Variants in PCDH15 observed in about 807,000 individuals in gnomAD.
PCDH15 encodes the protein protocadherin related 15, also known as protocadherin-15.
Under a neutral mutation model 178.5 loss-of-function variants are expected in PCDH15, and 129 were observed. That is an observed-to-expected ratio of 0.72 (90% CI 0.63 to 0.84). PCDH15 has a LOEUF of 0.84. Among genes scored for constraint, PCDH15 ranks in the 40% least tolerant of loss-of-function variants. The pLI is 0.00. For synonymous variants in PCDH15, 800 were observed against 732.0 expected, an observed-to-expected ratio of 1.09 and a Z score of -1.50; for missense variants, 2,230 against 2,099.9, an observed-to-expected ratio of 1.06 and a Z score of -1.21.
At chr10:54,848,265 C>T (rs1424965041) in intron 3 of PCDH15, among the ~76,000 whole-genome samples, 1 of 151,644 alleles carries the variant, frequency 6.6e-6, no homozygotes, top group East Asian at 1.9e-4. Context: ...CGCCTGTAAT[C>T]CCAGCTACTT....
chr10:54,283,817 A>G (rs544029643), intron 8 of PCDH15, among the ~76,000 whole-genome samples: 98 of 152,056 alleles, frequency 6.4e-4, no homozygotes, highest in Non-Finnish European at 1.2e-3. Flanking sequence ...AAACATGCCA[A>G]AATTAACATG....
chr10:54,677,344 C>T (rs531263268), intron 1 of PCDH15, among the ~76,000 whole-genome samples: 1 of 152,246 alleles, frequency 6.6e-6, no homozygotes, highest in South Asian at 2.1e-4. Context: ...CGTGTTACTG[C>T]AGGGACAGAT....
intron 10 of PCDH15, among the ~76,000 whole-genome samples, chr10:54,202,765 T>G (rs1390222132): frequency 6.7e-6 from 1 of 150,236 alleles, no homozygotes. Flanking sequence ...TGAGCCAAGA[T>G]TGCGCCACTA....
chr10:54,276,915 T>A (rs991844312), intron 8 of PCDH15, among the ~76,000 whole-genome samples: 2 of 151,660 alleles, frequency 1.3e-5, no homozygotes, highest in Non-Finnish European at 3.0e-5. Context: ...TAGATAGGTA[T>A]TATTTCTTGT....
chr10:54,333,762 CG>C (rs1564994024), intron 6 of PCDH15, among the ~76,000 whole-genome samples: 1 of 152,124 alleles, frequency 6.6e-6, no homozygotes, highest in African/African-American at 2.4e-5. Flanking sequence ...TCTTGGGAAT[CG>C]GCATTTTTAA....
At chr10:54,325,013 C>CTTTCATACCTCTAATTTTT (rs71007833) in intron 7 of PCDH15, among the ~76,000 whole-genome samples, 1 of 151,290 alleles carries the variant, frequency 6.6e-6, no homozygotes, top group African/African-American at 2.4e-5. Flanking sequence ...CCCATTTGAT[C>CTTTCATACCTCTAATTTTT]TTTCTAGATC....
intron 16 of PCDH15, among the ~76,000 whole-genome samples, chr10:54,083,133 A>G (rs1565212135): frequency 6.6e-6 from 1 of 152,182 alleles, no homozygotes; most frequent in African/African-American, 2.4e-5. Context: ...ACAAAAAATA[A>G]TTGTTGGCAA....
At chr10:55,383,928 T>C (rs1479167657) in intron 2 of PCDH15, among the ~76,000 whole-genome samples, 1 of 151,782 alleles carries the variant, frequency 6.6e-6, no homozygotes, top group East Asian at 1.9e-4. Flanking sequence ...CAAAATTATG[T>C]GTCATTATGT....
At chr10:54,963,249 T>C (rs984039406) in intron 2 of PCDH15, among the ~76,000 whole-genome samples, 6 of 152,148 alleles carry the variant, frequency 3.9e-5, no homozygotes, top group African/African-American at 1.4e-4. Context: ...TCAGTTCCAC[T>C]GGCTGTAGGT....
intron 1 of PCDH15, among the ~76,000 whole-genome samples, chr10:55,308,584 A>G (rs557624835): frequency 5.3e-5 from 8 of 152,318 alleles, no homozygotes; most frequent in African/African-American, 1.7e-4. Flanking sequence ...CAAAGAAAAT[A>G]ATCGTTTAAA....
Position 53,935,971 on chromosome 10 carries a change from T to C in PCDH15, c.3373+2844A>G, listed in dbSNP as rs757503259. ...ATTTAATGTTTAAGGAAGGAGTGAA[T>C]ATCACCTATGATTTATTTGTTTAAA... On this transcript the variant is annotated intron_variant, in intron 25 of 37. Transcript: ENST00000644397. 2.3e-4 allele frequency among the ~76,000 whole-genome samples: 35 copies of C among 152,236 alleles called. 1 individual carries two copies. The highest frequency in any genetic ancestry group is 2.6e-4 in the Non-Finnish European group (18 of 67,990).
At chr10:54,909,124 A>G (rs1250748479) in intron 2 of PCDH15, among the ~76,000 whole-genome samples, 1 of 152,092 alleles carries the variant, frequency 6.6e-6, no homozygotes, top group African/African-American at 2.4e-5. Context: ...AAAGGAGAAA[A>G]TGTGTGCTGA....
chr10:54,160,380 T>A (rs924344341), intron 13 of PCDH15, among the ~76,000 whole-genome samples: 1 of 152,054 alleles, frequency 6.6e-6, no homozygotes, highest in Non-Finnish European at 1.5e-5. Context: ...AAAATAAACA[T>A]GAACTGAGAG....
chr10:55,097,458 G>T (rs1281547393), intron 2 of PCDH15, among the ~76,000 whole-genome samples: 1 of 152,062 alleles, frequency 6.6e-6, no homozygotes, highest in Non-Finnish European at 1.5e-5. Context: ...TCAAGCTCAC[G>T]CTAAGAACAA....
chr10:53,963,177 T>C (rs988694400), intron 21 of PCDH15, among the ~76,000 whole-genome samples: 1 of 152,180 alleles, frequency 6.6e-6, no homozygotes, highest in African/African-American at 2.4e-5. Context: ...TCCTTGAAAA[T>C]AATCTGTTGC....
chr10:53,992,237 C>A (rs1000995875), intron 21 of PCDH15, among the ~76,000 whole-genome samples: 2 of 152,198 alleles, frequency 1.3e-5, no homozygotes, highest in African/African-American at 4.8e-5. Flanking sequence ...GACCACGAAC[C>A]CACCAGAAGG....
At chr10:55,277,508 T>G (rs1842623481) in intron 1 of PCDH15, among the ~76,000 whole-genome samples, 1 of 152,086 alleles carries the variant, frequency 6.6e-6, no homozygotes, top group Admixed American at 6.6e-5. Flanking sequence ...CTGAAATATA[T>G]CGCAGAGTAG....
chr10:54,705,316 TA>T (rs1415552171), intron 1 of PCDH15, among the ~76,000 whole-genome samples: 4 of 151,684 alleles, frequency 2.6e-5, no homozygotes, highest in African/African-American at 4.8e-5. Flanking sequence ...CTAAAATAAT[TA>T]AAAAAAATAC....
intron 2 of PCDH15, among the ~76,000 whole-genome samples, chr10:54,938,945 T>A (rs938209049): frequency 6.6e-6 from 1 of 152,112 alleles, no homozygotes; most frequent in East Asian, 1.9e-4. Flanking sequence ...GTTACAGAAA[T>A]GAATTTTAAA....
Sources: allele counts gnomAD v4.1 joint callset (sites outside exome capture counted in the v4.1 genomes callset), GRCh38; gene constraint gnomAD v4.1.1; transcripts MANE v1.5; gene names NCBI Gene and HGNC (gene_info 2026-07-23, HGNC 2026-07-21).